KCNH7: variants seen among roughly 807,000 people sequenced by gnomAD.
KCNH7 encodes voltage-gated inwardly rectifying potassium channel KCNH7.
Under a neutral mutation model 120.8 loss-of-function variants are expected in KCNH7, and 49 were observed. That is an observed-to-expected ratio of 0.41 (90% CI 0.32 to 0.51). The LOEUF is 0.51. KCNH7 is among the 20% of genes least tolerant of loss of function. The pLI is 0.38. For synonymous variants in KCNH7, 547 were observed against 516.1 expected (o/e 1.06, Z -0.81); for missense variants, 1,097 against 1,446.6 (o/e 0.76, Z 3.92).
At chr2:162,646,065 A>G (rs1237294966) in intron 2 of KCNH7, among the ~76,000 whole-genome samples, 1 of 152,216 alleles carries the variant, frequency 6.6e-6, no homozygotes, top group African/African-American at 2.4e-5. Flanking sequence ...TACAAGAACT[A>G]GTTTTGTCAA....
chr2:162,530,644 T>C (rs1048502787), intron 3 of KCNH7, among the ~76,000 whole-genome samples: 7 of 152,020 alleles, frequency 4.6e-5, no homozygotes, highest in Non-Finnish European at 7.4e-5. Flanking sequence ...AGTTACAATG[T>C]AGGTTTTGAA....
chr2:162,608,191 A>C (rs543581856), intron 2 of KCNH7, among the ~76,000 whole-genome samples: 2 of 152,222 alleles, frequency 1.3e-5, no homozygotes, highest in Non-Finnish European at 2.9e-5. Context: ...ACAGGGCACA[A>C]CAACAAATAG....
chr2:162,638,133 A>T (rs952358174), intron 2 of KCNH7, among the ~76,000 whole-genome samples: 5 of 151,934 alleles, frequency 3.3e-5, no homozygotes, highest in African/African-American at 9.7e-5. Context: ...ATCTGGAGGT[A>T]CTCCTTGGAC....
intron 14 of KCNH7, among the ~76,000 whole-genome samples, chr2:162,377,541 G>A (rs1467955562): frequency 6.6e-6 from 1 of 152,138 alleles, no homozygotes; most frequent in East Asian, 1.9e-4. Context: ...CAATAACAAG[G>A]GTGACGCTGG....
intron 2 of KCNH7, among the ~76,000 whole-genome samples, chr2:162,553,752 T>C (rs910481952): frequency 6.6e-6 from 1 of 152,212 alleles, no homozygotes; most frequent in African/African-American, 2.4e-5. Context: ...ATATGGTTAA[T>C]TGTCTCAAAA....
At chr2:162,484,959 A>T in intron 6 of KCNH7, among the ~76,000 whole-genome samples, 1 of 152,098 alleles carries the variant, frequency 6.6e-6, no homozygotes, top group East Asian at 1.9e-4. Flanking sequence ...GAGCGAATAA[A>T]TTTTTTTAAA....
chr2:162,623,491 G>T (rs1444067280), intron 2 of KCNH7, among the ~76,000 whole-genome samples: 1 of 152,062 alleles, frequency 6.6e-6, no homozygotes, highest in Non-Finnish European at 1.5e-5. Flanking sequence ...CTGTAGAACT[G>T]CTTTTTATAT....
intron 2 of KCNH7, among the ~76,000 whole-genome samples, chr2:162,639,550 C>T (rs899502194): frequency 6.6e-6 from 1 of 151,958 alleles, no homozygotes; most frequent in African/African-American, 2.4e-5. Flanking sequence ...TTTACCTGGC[C>T]TGTTATGGAA....
chr2:162,803,619 T>C (rs534555728), intron 2 of KCNH7, among the ~76,000 whole-genome samples: 1 of 151,946 alleles, frequency 6.6e-6, no homozygotes, highest in African/African-American at 2.4e-5. Flanking sequence ...ATTCATAGGC[T>C]AATGATCTGG....
chr2:162,626,597 A>G (rs1482504716), intron 2 of KCNH7, among the ~76,000 whole-genome samples: 2 of 152,190 alleles, frequency 1.3e-5, no homozygotes, highest in Non-Finnish European at 2.9e-5. Context: ...CTGTAACAAA[A>G]CAAATTCAGT....
At chr2:162,473,830 A>C (rs1689647034) in intron 6 of KCNH7, among the ~76,000 whole-genome samples, 1 of 152,218 alleles carries the variant, frequency 6.6e-6, no homozygotes, top group African/African-American at 2.4e-5. Flanking sequence ...TGTATGCTTA[A>C]GTATGTGCAT....
chr2:162,784,293 C>T (rs1485736889), intron 2 of KCNH7, among the ~76,000 whole-genome samples: 1 of 152,100 alleles, frequency 6.6e-6, no homozygotes, highest in Non-Finnish European at 1.5e-5. Flanking sequence ...CTGTGGGCTG[C>T]TTTTATATAA....
intron 5 of KCNH7, among the ~76,000 whole-genome samples, chr2:162,505,172 G>C (rs973053090): frequency 6.6e-6 from 1 of 151,844 alleles, no homozygotes; most frequent in African/African-American, 2.4e-5. Context: ...ACCTATATGA[G>C]ATGCTCCACA....
chr2:162,709,093 A>G (rs1686828046), intron 2 of KCNH7, among the ~76,000 whole-genome samples: 1 of 152,088 alleles, frequency 6.6e-6, no homozygotes, highest in African/African-American at 2.4e-5. Context: ...ACTATGCCCT[A>G]AGTTTCCAAA....
intron 2 of KCNH7, among the ~76,000 whole-genome samples, chr2:162,639,906 T>C (rs1229087042): frequency 2.0e-5 from 3 of 152,126 alleles, no homozygotes; most frequent in African/African-American, 7.2e-5. Context: ...AGCCCCATTA[T>C]ATTTCTATAT....
At chr2:162,811,453 A>C (rs1211830341) in intron 2 of KCNH7, among the ~76,000 whole-genome samples, 1 of 152,118 alleles carries the variant, frequency 6.6e-6, no homozygotes, top group Non-Finnish European at 1.5e-5. Flanking sequence ...TCCTTCTGGC[A>C]ATTTTTTGAT....
chr2:162,406,657 A>C (rs1401747009), intron 9 of KCNH7, among the ~76,000 whole-genome samples: 2 of 151,996 alleles, frequency 1.3e-5, no homozygotes, highest in Admixed American at 6.6e-5. Context: ...TATATTAAAA[A>C]CTTAAATCTC....
chr2:162,560,649 G>T (rs1444421737), intron 2 of KCNH7, among the ~76,000 whole-genome samples: 2 of 152,154 alleles, frequency 1.3e-5, no homozygotes, highest in African/African-American at 4.8e-5. Flanking sequence ...GTATGAAAAT[G>T]AATTAGATAA....
At chr2:162,453,173 C>A (rs1688830884) in intron 6 of KCNH7, among the ~76,000 whole-genome samples, 1 of 152,102 alleles carries the variant, frequency 6.6e-6, no homozygotes, top group African/African-American at 2.4e-5. Context: ...TCCATGTGTT[C>A]TCATTGTTCA....
Sources: allele counts gnomAD v4.1 joint callset (sites outside exome capture counted in the v4.1 genomes callset), GRCh38; gene constraint gnomAD v4.1.1; transcripts MANE v1.5; gene names NCBI Gene and HGNC (gene_info 2026-07-23, HGNC 2026-07-21).